GSTCD: variants seen among roughly 807,000 people sequenced by gnomAD.
The protein encoded by GSTCD is glutathione S-transferase C-terminal domain-containing protein.
Under a neutral mutation model 68.3 loss-of-function variants are expected in GSTCD, and 44 were observed. That is an observed-to-expected ratio of 0.64 (90% confidence interval 0.51 to 0.83). The LOEUF (loss-of-function observed/expected upper bound fraction) is 0.83. Ranked by LOEUF, GSTCD falls within the 40% of genes least tolerant of loss-of-function variation. The pLI, the probability that GSTCD is intolerant of heterozygous loss-of-function variation, is 0.00. For missense variants in GSTCD, 739 were observed against 735.9 expected (o/e 1.00, Z -0.05); for synonymous variants, 273 against 255.2 (o/e 1.07, Z -0.67).
intron 5 of GSTCD, among the ~76,000 whole-genome samples, chr4:105,780,552 T>C (rs944729690): frequency 6.6e-6 from 1 of 152,202 alleles, no homozygotes; most frequent in Non-Finnish European, 1.5e-5. Context: ...AGCATGTCAT[T>C]ATGAGGATAT....
intron 1 of GSTCD, among the ~76,000 whole-genome samples, chr4:105,714,551 C>A (rs918153017): frequency 6.6e-6 from 1 of 151,266 alleles, no homozygotes; most frequent in Admixed American, 6.6e-5. Context: ...CCAAAAACAT[C>A]ACATTTGTAC....
intron 5 of GSTCD, among the ~76,000 whole-genome samples, chr4:105,774,693 G>C (rs952410140): frequency 6.6e-6 from 1 of 152,116 alleles, no homozygotes; most frequent in Non-Finnish European, 1.5e-5. Context: ...CTCTCTTCTG[G>C]CTTGTAGGTT....
intron 5 of GSTCD, among the ~76,000 whole-genome samples, chr4:105,732,546 T>G (rs1410018925): frequency 1.3e-5 from 2 of 152,216 alleles, no homozygotes; most frequent in East Asian, 3.8e-4. Flanking sequence ...ATCACCTTTA[T>G]CATTTTTTAT....
At chr4:105,791,930 A>G (rs1319609765) in intron 5 of GSTCD, among the ~76,000 whole-genome samples, 3 of 152,142 alleles carry the variant, frequency 2.0e-5, no homozygotes, top group Non-Finnish European at 4.4e-5. Flanking sequence ...AAACAACTTA[A>G]TAAGCATTTA....
chr4:105,779,804 G>A (rs1428597745), intron 5 of GSTCD, among the ~76,000 whole-genome samples: 1 of 152,196 alleles, frequency 6.6e-6, no homozygotes, highest in African/African-American at 2.4e-5. Flanking sequence ...CACTAATAGG[G>A]AAAAGATTCA....
chr4:105,817,359 T>C (rs777752183), intron 5 of GSTCD, among the ~76,000 whole-genome samples: 39 of 151,936 alleles, frequency 2.6e-4, no homozygotes, highest in Non-Finnish European at 3.7e-4. Context: ...TGAATTCTGC[T>C]GTCTTTTTAG....
intron 5 of GSTCD, among the ~76,000 whole-genome samples, chr4:105,730,142 T>C (rs994787373): frequency 2.0e-5 from 3 of 152,218 alleles, no homozygotes; most frequent in African/African-American, 7.2e-5. Flanking sequence ...CAGTCTAACA[T>C]TGATGGACAT....
At chr4:105,797,220 G>C (rs1735928860) in intron 5 of GSTCD, among the ~76,000 whole-genome samples, 2 of 151,558 alleles carry the variant, frequency 1.3e-5, no homozygotes, top group Admixed American at 6.6e-5. Flanking sequence ...CTTTTTTCTT[G>C]TTATTTTTTT....
chr4:105,724,511 T>A (rs7666495), intron 3 of GSTCD, among the ~76,000 whole-genome samples: 4,263 of 151,992 alleles, frequency 0.028, 178 homozygotes, highest in African/African-American at 0.089. Flanking sequence ...TCTCCTTACC[T>A]CATTGTGTAA....
intron 5 of GSTCD, among the ~76,000 whole-genome samples, chr4:105,765,748 G>T (rs1189125588): frequency 6.6e-6 from 1 of 152,132 alleles, no homozygotes; most frequent in Non-Finnish European, 1.5e-5. Flanking sequence ...TCATGGGGCT[G>T]GTTCCCCCAT....
At chr4:105,745,274 G>A (rs1345383612) in intron 5 of GSTCD, among the ~76,000 whole-genome samples, 1 of 152,180 alleles carries the variant, frequency 6.6e-6, no homozygotes, top group Non-Finnish European at 1.5e-5. Context: ...AAGTGAGGAT[G>A]TATAGTCAAA....
chr4:105,728,005 A>T (rs1733099420), intron 4 of GSTCD, among the ~76,000 whole-genome samples: 1 of 152,156 alleles, frequency 6.6e-6, no homozygotes, highest in Non-Finnish European at 1.5e-5. Flanking sequence ...TGGTAAGGAT[A>T]CCAATCCCTT....
chr4:105,826,040 A>G (rs1246436175), intron 8 of GSTCD: 1 of 184,210 alleles, frequency 5.4e-6, no homozygotes, highest in Non-Finnish European at 1.1e-5. Flanking sequence ...TTTCTTCACT[A>G]CAGAATCCCC....
intron 5 of GSTCD, among the ~76,000 whole-genome samples, chr4:105,750,392 G>A (rs535758816): frequency 3.3e-5 from 5 of 151,282 alleles, no homozygotes; most frequent in East Asian, 3.9e-4. Context: ...TCTGGGAGGC[G>A]GAGGTTGCTG....
chr4:105,729,372 C>T, intron 4 of GSTCD, 34 bp from the exon 5 acceptor site: 1 of 1,336,816 alleles, frequency 7.5e-7, no homozygotes, highest in African/African-American at 1.5e-5. Context: ...TATATTAATT[C>T]CTTAATTTAG....
intron 11 of GSTCD, among the ~76,000 whole-genome samples, chr4:105,843,328 C>T (rs1724429445): frequency 6.6e-6 from 1 of 152,178 alleles, no homozygotes; most frequent in Non-Finnish European, 1.5e-5. Flanking sequence ...CAATGCCTTT[C>T]CTTCTTGCTC....
At chr4:105,785,127 CAG>C (rs1364225689) in intron 5 of GSTCD, among the ~76,000 whole-genome samples, 2 of 152,180 alleles carry the variant, frequency 1.3e-5, no homozygotes, top group Admixed American at 6.5e-5. Flanking sequence ...AATCCAGAAG[CAG>C]AGAGTTTGTT....
intron 5 of GSTCD, among the ~76,000 whole-genome samples, chr4:105,819,509 G>T (rs1723171400): frequency 1.3e-5 from 2 of 151,608 alleles, no homozygotes; most frequent in African/African-American, 4.8e-5. Context: ...TGAGTATTGG[G>T]CATATAAGTA....
chr4:105,827,658 A>T (rs932180072), intron 8 of GSTCD, among the ~76,000 whole-genome samples: 4 of 152,210 alleles, frequency 2.6e-5, no homozygotes, highest in Admixed American at 6.5e-5. Flanking sequence ...AAAAAAATTT[A>T]AAAAATATTG....
Sources: gnomAD v4.1 joint callset for allele counts (sites outside exome capture counted in the v4.1 genomes callset) on GRCh38, gnomAD v4.1.1 for gene constraint, MANE v1.5 for transcripts, NCBI Gene and HGNC (gene_info 2026-07-23, HGNC 2026-07-21) for gene names.